Variants in BMPER observed in about 807,000 individuals in gnomAD.
BMPER encodes the protein BMP-binding endothelial regulator protein.
Under a neutral mutation model 87.3 loss-of-function variants are expected in BMPER, and 45 were observed. The ratio of observed to expected loss-of-function variants is 0.52; its 90% CI spans 0.41 to 0.66. BMPER has a LOEUF of 0.66. Ranked by LOEUF, BMPER falls within the 30% of genes least tolerant of loss-of-function variation. The pLI is 0.00. For missense variants in BMPER, 784 were observed against 867.5 expected, an observed-to-expected ratio of 0.90 and a Z score of 1.21; for synonymous variants, 326 against 316.2, an observed-to-expected ratio of 1.03 and a Z score of -0.33.
intron 13 of BMPER, among the ~76,000 whole-genome samples, chr7:34,128,077 T>C (rs1476640373): frequency 3.3e-5 from 5 of 152,222 alleles, no homozygotes; most frequent in Admixed American, 2.0e-4. Context: ...CCTTTCCCAT[T>C]GATTTCTCGT....
intron 2 of BMPER, among the ~76,000 whole-genome samples, chr7:33,907,258 TTAAG>T (rs1226325345): frequency 2.6e-5 from 4 of 152,150 alleles, no homozygotes; most frequent in African/African-American, 9.7e-5. Context: ...GTTCTGTCAT[TTAAG>T]CTCAGTGGGA....
At chr7:33,965,833 C>T (rs1262401987) in intron 3 of BMPER, among the ~76,000 whole-genome samples, 1 of 149,516 alleles carries the variant, frequency 6.7e-6, no homozygotes, top group Non-Finnish European at 1.5e-5. Context: ...CCTTTGACTT[C>T]TGTTTTTGCC....
chr7:33,917,408 C>CT (rs1239223386), intron 2 of BMPER, among the ~76,000 whole-genome samples: 1 of 151,668 alleles, frequency 6.6e-6, no homozygotes, highest in Non-Finnish European at 1.5e-5. Flanking sequence ...TTCTTTCTTT[C>CT]TTTTTTTTAA....
At chr7:34,148,772 G>GCTA (rs1791094940) in intron 14 of BMPER, among the ~76,000 whole-genome samples, 1 of 152,088 alleles carries the variant, frequency 6.6e-6, no homozygotes, top group African/African-American at 2.4e-5. Context: ...AAAAAACATG[G>GCTA]GAGACTTCAT....
In BMPER at chr7:33,937,364, G is replaced by T; in HGVS notation, c.295G>T (p.Gly99Ter). The change falls in exon 3 of 15, where the codon GGA becomes TGA. Residue 99 changes from glycine (G) to a stop codon, truncating the protein, a stop_gained. Transcript: ENST00000649409. LOFTEE classifies it high-confidence loss of function. ...RDCALAIKQR[G>*]ACCEQCKGCT... ...CTGTGCCCTGGCCATCAAGCAGAGG[G>T]GAGCCTGTTGTGAACAGTGCAAAGG... 6.2e-7 allele frequency: 1 copy of T among 1,614,154 alleles called. No individual in the cohort carries two copies. The highest frequency in any genetic ancestry group is 8.5e-7 in the Non-Finnish European group (1 of 1,180,030).
At chr7:34,151,671 G>A (rs1456342886) in intron 14 of BMPER, among the ~76,000 whole-genome samples, 2 of 152,182 alleles carry the variant, frequency 1.3e-5, no homozygotes, top group Non-Finnish European at 2.9e-5. Flanking sequence ...AAAGCATCTG[G>A]TACAGGGACT....
chr7:33,935,691 C>G (rs1784586164), intron 2 of BMPER, among the ~76,000 whole-genome samples: 1 of 152,018 alleles, frequency 6.6e-6, no homozygotes, highest in East Asian at 1.9e-4. Flanking sequence ...AATGAAAAAA[C>G]AAAACAGCAG....
chr7:33,960,456 G>A (rs1476552090), intron 3 of BMPER, among the ~76,000 whole-genome samples: 1 of 152,172 alleles, frequency 6.6e-6, no homozygotes, highest in Non-Finnish European at 1.5e-5. Context: ...CAAGTCCAGG[G>A]GAGCAGGGGT....
At chr7:34,059,855 G>C (rs886730449) in intron 10 of BMPER, among the ~76,000 whole-genome samples, 7 of 151,802 alleles carry the variant, frequency 4.6e-5, no homozygotes, top group East Asian at 1.9e-4. Context: ...GTGGAAGAAG[G>C]GTTTTATGAT....
intron 3 of BMPER, among the ~76,000 whole-genome samples, chr7:33,946,974 G>A (rs1784907498): frequency 1.3e-5 from 2 of 152,140 alleles, no homozygotes; most frequent in African/African-American, 2.4e-5. Flanking sequence ...TATGAAGCCA[G>A]AATATTCTTT....
intron 13 of BMPER, among the ~76,000 whole-genome samples, chr7:34,091,455 T>C (rs1789377463): frequency 6.6e-6 from 1 of 152,226 alleles, no homozygotes; most frequent in Non-Finnish European, 1.5e-5. Context: ...CTTTTATTTT[T>C]CCTTAGCCGA....
chr7:34,085,636 C>A, intron 12 of BMPER, 120 bp from the exon 13 acceptor site: 4 of 963,796 alleles, frequency 4.2e-6, no homozygotes, highest in Non-Finnish European at 4.9e-6. Context: ...TTTGGACCAA[C>A]CCTTGGTGCT....
At chr7:33,969,678 C>T (rs776195022) in intron 4 of BMPER, among the ~76,000 whole-genome samples, 23 of 152,218 alleles carry the variant, frequency 1.5e-4, no homozygotes, top group African/African-American at 3.9e-4. Context: ...GGATTATAGG[C>T]GTGAGCCACT....
intron 6 of BMPER, among the ~76,000 whole-genome samples, chr7:34,030,944 C>T (rs974736668): frequency 1.3e-5 from 2 of 151,980 alleles, no homozygotes; most frequent in Non-Finnish European, 2.9e-5. Flanking sequence ...CTAATCTGAG[C>T]TACTTGTGTC....
chr7:34,031,781 A>G (rs1453718568), intron 6 of BMPER, among the ~76,000 whole-genome samples: 1 of 150,886 alleles, frequency 6.6e-6, no homozygotes, highest in African/African-American at 2.4e-5. Flanking sequence ...GGAAAATAGC[A>G]TTGTTTAGAG....
chr7:33,947,205 T>C (rs1380783724), intron 3 of BMPER, among the ~76,000 whole-genome samples: 1 of 152,168 alleles, frequency 6.6e-6, no homozygotes, highest in East Asian at 1.9e-4. Context: ...TTTTCTGTAT[T>C]TACTTGGACT....
At chr7:33,980,863 G>A (rs1467842179) in intron 6 of BMPER, among the ~76,000 whole-genome samples, 1 of 152,214 alleles carries the variant, frequency 6.6e-6, no homozygotes, top group Non-Finnish European at 1.5e-5. Context: ...TAGAAGCCCT[G>A]AAGTCCATAA....
chr7:34,017,530 G>A (rs1292896725), intron 6 of BMPER, among the ~76,000 whole-genome samples: 1 of 151,876 alleles, frequency 6.6e-6, no homozygotes, highest in East Asian at 1.9e-4. Flanking sequence ...ACCTACCACT[G>A]GGTCCCTCCT....
chr7:34,060,945 A>T (rs974579346), intron 10 of BMPER, among the ~76,000 whole-genome samples: 3 of 152,220 alleles, frequency 2.0e-5, no homozygotes, highest in Non-Finnish European at 4.4e-5. Flanking sequence ...TGGGAAGAAA[A>T]TGTCCTTTAG....
Sources: allele counts gnomAD v4.1 joint callset (sites outside exome capture counted in the v4.1 genomes callset), GRCh38; gene constraint gnomAD v4.1.1; transcripts MANE v1.5; gene names NCBI Gene and HGNC (gene_info 2026-07-23, HGNC 2026-07-21).